The following ZNF385D variants were observed in gnomAD, a reference collection of about 807,000 sequenced individuals.
The protein encoded by ZNF385D is zinc finger protein 659.
A neutral mutation model predicts 35.8 loss-of-function variants in ZNF385D; 15 were observed. The observed-to-expected ratio is 0.42, with a 90% CI of 0.28 to 0.64. ZNF385D has a LOEUF of 0.64. Ranked by LOEUF, ZNF385D falls within the 30% of genes least tolerant of loss-of-function variation. The pLI is 0.23. For synonymous variants in ZNF385D, 212 were observed against 186.8 expected (o/e 1.13, Z -1.10); for missense variants, 474 against 494.6 (o/e 0.96, Z 0.39).
At chr3:22,291,925 T>G (rs1702321232) in intron 2 of ZNF385D, among the ~76,000 whole-genome samples, 1 of 152,054 alleles carries the variant, frequency 6.6e-6, no homozygotes, top group Non-Finnish European at 1.5e-5. Context: ...ATTATCTTTC[T>G]CTTATTTTGG....
intron 2 of ZNF385D, among the ~76,000 whole-genome samples, chr3:22,296,853 A>T (rs1390402231): frequency 6.6e-6 from 1 of 152,108 alleles, no homozygotes; most frequent in African/African-American, 2.4e-5. Context: ...CTTAAGCCTT[A>T]GGCCAGCAAC....
intron 1 of ZNF385D, among the ~76,000 whole-genome samples, chr3:21,685,013 A>G (rs2125325873): frequency 6.6e-6 from 1 of 152,336 alleles, no homozygotes; most frequent in South Asian, 2.1e-4. Context: ...AATGGGCTCC[A>G]TAAGCTTTAT....
chr3:21,456,742 TA>T (rs139658154), intron 4 of ZNF385D, among the ~76,000 whole-genome samples: 1 of 151,638 alleles, frequency 6.6e-6, no homozygotes, highest in Non-Finnish European at 1.5e-5. Context: ...TAATAAAAAA[TA>T]AATAAATAAT....
chr3:22,231,456 G>C (rs1698884401), intron 2 of ZNF385D, among the ~76,000 whole-genome samples: 1 of 152,126 alleles, frequency 6.6e-6, no homozygotes, highest in African/African-American at 2.4e-5. Flanking sequence ...TGGGTGTCTT[G>C]AATCCTTGAC....
At chr3:22,225,889 G>A (rs1392116458) in intron 2 of ZNF385D, among the ~76,000 whole-genome samples, 4 of 152,140 alleles carry the variant, frequency 2.6e-5, no homozygotes, top group South Asian at 2.1e-4. Flanking sequence ...TACATTCAGT[G>A]TGTTTAGTTT....
At chr3:21,974,954 C>G (rs1050809686) in intron 3 of ZNF385D, among the ~76,000 whole-genome samples, 1 of 152,082 alleles carries the variant, frequency 6.6e-6, no homozygotes, top group African/African-American at 2.4e-5. Context: ...CGGGAACCCT[C>G]GAACACTGTT....
rs181796461 is a variant in ZNF385D at position 22,339,973 on chromosome 3, C to T, written c.106+32477G>A. Among the ~76,000 whole-genome samples the T allele has an allele frequency of 1.1e-3, 168 of 152,288 alleles. 1 individual carries two copies. The highest frequency in any genetic ancestry group is 3.8e-3 in the African/African-American group (156 of 41,562). On this transcript the variant is annotated intron_variant, in intron 2 of 5. Coordinates refer to the ZNF385D transcript ENST00000494108. ...CTCTTCCATTTCCCACTTTCTGTGACCATTTGTCTAAATCTGCCCATCAGT... is the reference window on the plus strand; with the variant it reads ...CTCTTCCATTTCCCACTTTCTGTGATCATTTGTCTAAATCTGCCCATCAGT...
chr3:22,089,246 G>A (rs1701198024), intron 3 of ZNF385D, among the ~76,000 whole-genome samples: 1 of 152,080 alleles, frequency 6.6e-6, no homozygotes, highest in Non-Finnish European at 1.5e-5. Flanking sequence ...TTATATTACA[G>A]TACATGTCTA....
intron 2 of ZNF385D, among the ~76,000 whole-genome samples, chr3:21,625,745 A>G (rs1013471562): frequency 1.7e-4 from 26 of 152,238 alleles, no homozygotes; most frequent in African/African-American, 6.3e-4. Context: ...ATTCAAATTG[A>G]ATTAAAACTA....
chr3:22,369,885 TAAGAA>T (rs1696821782), intron 2 of ZNF385D, among the ~76,000 whole-genome samples: 1 of 152,188 alleles, frequency 6.6e-6, no homozygotes, highest in Non-Finnish European at 1.5e-5. Flanking sequence ...TTGGAGATTA[TAAGAA>T]AATAATGGAT....
intron 4 of ZNF385D, chr3:21,443,183 G>C (rs977476758): frequency 2.0e-6 from 2 of 985,330 alleles, no homozygotes; most frequent in South Asian, 9.4e-5. Context: ...CCTGATTTGG[G>C]TAGGTCCAGT....
intron 3 of ZNF385D, among the ~76,000 whole-genome samples, chr3:22,107,251 G>A (rs1038040379): frequency 1.3e-4 from 20 of 151,780 alleles, no homozygotes; most frequent in South Asian, 2.1e-4. Flanking sequence ...TCGAACTCCC[G>A]ACCTCAGGTG....
At chr3:21,454,424 T>C (rs1702653027) in intron 4 of ZNF385D, among the ~76,000 whole-genome samples, 1 of 152,182 alleles carries the variant, frequency 6.6e-6, no homozygotes, top group African/African-American at 2.4e-5. Context: ...TCTTGTCCTC[T>C]ATTATCTTGC....
At chr3:21,982,983 T>A (rs1258445424) in intron 3 of ZNF385D, among the ~76,000 whole-genome samples, 2 of 151,962 alleles carry the variant, frequency 1.3e-5, no homozygotes, top group African/African-American at 4.8e-5. Flanking sequence ...GCTGCTGAAT[T>A]TGGTTTGCGA....
At chr3:22,115,446 A>G (rs983346663) in intron 3 of ZNF385D, among the ~76,000 whole-genome samples, 2 of 152,060 alleles carry the variant, frequency 1.3e-5, no homozygotes, top group Non-Finnish European at 2.9e-5. Flanking sequence ...TTTGAGCCCA[A>G]ATTATTTTAT....
At chr3:21,994,771 T>C (rs1695359356) in intron 3 of ZNF385D, among the ~76,000 whole-genome samples, 1 of 152,200 alleles carries the variant, frequency 6.6e-6, no homozygotes, top group Admixed American at 6.5e-5. Context: ...ATGGGCATGG[T>C]AGTGTAGTCT....
chr3:22,155,412 C>T (rs898261561), intron 3 of ZNF385D, among the ~76,000 whole-genome samples: 6 of 151,730 alleles, frequency 4.0e-5, no homozygotes, highest in Non-Finnish European at 7.4e-5. Flanking sequence ...AAAGAGATTT[C>T]TTAAGGAAAT....
At chr3:22,265,332 A>G (rs1392080424) in intron 2 of ZNF385D, among the ~76,000 whole-genome samples, 1 of 152,000 alleles carries the variant, frequency 6.6e-6, no homozygotes, top group Non-Finnish European at 1.5e-5. Context: ...TGCTGTAATC[A>G]TTTTAAAATG....
intron 3 of ZNF385D, among the ~76,000 whole-genome samples, chr3:22,001,516 T>C (rs981683068): frequency 6.6e-6 from 1 of 151,834 alleles, no homozygotes; most frequent in African/African-American, 2.4e-5. Context: ...AAGAGAGAAA[T>C]AGAGTCCAAT....
Sources: gnomAD v4.1 joint callset for allele counts (sites outside exome capture counted in the v4.1 genomes callset) on GRCh38, gnomAD v4.1.1 for gene constraint, MANE v1.5 for transcripts, NCBI Gene and HGNC (gene_info 2026-07-23, HGNC 2026-07-21) for gene names.